EPHB4: variants seen among roughly 807,000 people sequenced by gnomAD.
EPHB4 encodes ephrin type-B receptor 4.
Under a neutral mutation model 110.6 loss-of-function variants are expected in EPHB4, and 50 were observed. The ratio of observed to expected loss-of-function variants is 0.45; its 90% CI spans 0.36 to 0.57. EPHB4 has a LOEUF of 0.57. Ranked by LOEUF, EPHB4 falls within the 20% of genes least tolerant of loss-of-function variation. The probability of loss-of-function intolerance (pLI) is 0.00; values close to 1 mark genes in which losing one functional copy is unlikely to be tolerated. For synonymous variants in EPHB4, 592 were observed against 578.4 expected, an observed-to-expected ratio of 1.02 and a Z score of -0.34; for missense variants, 1,128 against 1,382.1, an observed-to-expected ratio of 0.82 and a Z score of 2.91.
Position 100,826,004 on chromosome 7 carries a change from G to C in EPHB4, c.52+975C>G, listed in dbSNP as rs144828895. ...CCAGGGCAGTCCTGCCCAGCCAGGGGGAGAGGGTTTTTCTAACGCCGCTGA... is the reference window on the plus strand; with the variant it reads ...CCAGGGCAGTCCTGCCCAGCCAGGGCGAGAGGGTTTTTCTAACGCCGCTGA... On this transcript the variant is annotated intron_variant, in intron 1 of 16. Transcript: ENST00000358173. 2.4e-3 allele frequency among the ~76,000 whole-genome samples: 368 copies of C among 152,322 alleles called. 2 individuals carry two copies. The highest frequency in any genetic ancestry group is 7.9e-3 in the African/African-American group (330 of 41,564).
chr7:100,822,560 G>A lies in EPHB4; in HGVS notation c.519C>T (p.Gly173=), dbSNP rs1813262602. 3.1e-6 allele frequency: 5 copies of A among 1,613,224 alleles called. No individual in the cohort carries two copies. The highest frequency in any genetic ancestry group is 4.2e-6 in the Non-Finnish European group (5 of 1,179,922). The change falls in exon 4 of 17, where the codon GGC becomes GGT. Residue 173 remains glycine (G), a synonymous_variant. Coordinates refer to ENST00000358173, the MANE Select transcript of EPHB4 (RefSeq NM_004444.5). This position sits in a 1 kb window ranked among gnomAD's most constrained non-coding sequence, Gnocchi z 4.7. ...CCTGGTCCTGGAAGGCCAGGTAGAA[G>A]CCAGCCTTGCTGAGCGGTCCCAGAC... ...TLRLGPLSKA[G]FYLAFQDQGA...
chr7:100,810,064 A>G (rs573902784), intron 12 of EPHB4, among the ~76,000 whole-genome samples: 8 of 152,126 alleles, frequency 5.3e-5, no homozygotes, highest in Non-Finnish European at 1.0e-4. Context: ...ATCCTGGCCA[A>G]TATGGTGAAA....
chr7:100,815,902 T>C (rs1043939112), intron 8 of EPHB4, among the ~76,000 whole-genome samples: 1 of 151,962 alleles, frequency 6.6e-6, no homozygotes, highest in Admixed American at 6.6e-5. Context: ...GTGGAAGGAT[T>C]GGTTGAGCTC....
chr7:100,811,799 G>C lies in EPHB4; in HGVS notation c.2118+948C>G, dbSNP rs568932190. On this transcript the variant is annotated intron_variant, in intron 12 of 16. Transcript: ENST00000358173. ...GCGGGAGGATCACTTGAGCCCAGGA[G>C]GTCAAGGCTACAGTGAGCTATGAAT... Among the ~76,000 whole-genome samples the C allele has an allele frequency of 1.8e-4, 27 of 151,868 alleles. No homozygotes were observed. The East Asian group carries it at 4.1e-3, about 23-fold the overall frequency.
At position 100,816,339 on chromosome 7, in the gene EPHB4, C is replaced by CT. The variant is rs879870792; in HGVS notation, c.1588+852dup. ...TGCTAAAAGTCAAGCCTGCGGTGAGCTTTTTTTTTTTTGAGACAGAGTCTT... is the reference window on the plus strand; with the variant it reads ...TGCTAAAAGTCAAGCCTGCGGTGAGCTTTTTTTTTTTTTGAGACAGAGTCTT... On this transcript the variant is annotated intron_variant, in intron 8 of 16. Coordinates refer to ENST00000358173, the MANE Select transcript of EPHB4 (RefSeq NM_004444.5). 4.0e-3 allele frequency among the ~76,000 whole-genome samples: 565 copies of CT among 142,792 alleles called. 16 individuals carry two copies. The highest frequency in any genetic ancestry group is 0.027 in the Admixed American group (382 of 14,114). The allele number at this position is 142,792 out of a possible 152,430, so 93.7% of individuals were successfully genotyped here.
intron 14 of EPHB4, 78 bp downstream of exon 14, chr7:100,806,342 C>CT: frequency 6.5e-7 from 1 of 1,530,080 alleles, no homozygotes; most frequent in Non-Finnish European, 8.8e-7. Flanking sequence ...TGATGACTCT[C>CT]TGGGAACCCA....
intron 12 of EPHB4, among the ~76,000 whole-genome samples, chr7:100,808,679 C>T (rs1317800711): frequency 6.6e-6 from 1 of 151,978 alleles, no homozygotes; most frequent in East Asian, 1.9e-4. Flanking sequence ...CAACCTTGAC[C>T]TTTAAAGAGT....
chr7:100,814,465 A>C (rs1302982486), intron 8 of EPHB4, among the ~76,000 whole-genome samples: 1 of 152,068 alleles, frequency 6.6e-6, no homozygotes, highest in African/African-American at 2.4e-5. Context: ...TTTAGTAGAG[A>C]TGGGCTTTCA....
chr7:100,807,255 G>A, intron 13 of EPHB4, 110 bp downstream of exon 13: 2 of 1,148,184 alleles, frequency 1.7e-6, no homozygotes, highest in Non-Finnish European at 2.5e-6. Context: ...GCCTGCTCCT[G>A]TATCCTCTCC....
At chr7:100,803,911 G>A (rs919068476) in intron 16 of EPHB4, among the ~76,000 whole-genome samples, 1 of 152,158 alleles carries the variant, frequency 6.6e-6, no homozygotes, top group African/African-American at 2.4e-5. Flanking sequence ...AGAGGGAAAT[G>A]GAGTGTGAGA....
chr7:100,817,344 G>A lies in EPHB4; in HGVS notation c.1436C>T (p.Pro479Leu), dbSNP rs1345010887. 3 of 1,574,204 alleles carry A rather than the reference G, an allele frequency of 1.9e-6. No individual in the cohort carries two copies. Among genetic ancestry groups the A allele is most frequent in the Non-Finnish European group, 2.6e-6 (3 of 1,161,634 alleles). Residue 479 changes from proline (P) to leucine (L), a missense_variant, in exon 8 of 17, where the codon CCC (proline) becomes CTC (leucine). This residue lies in a region of EPHB4 where 728 missense variants were observed against 828.6 expected (regional missense o/e 0.88). Coordinates refer to ENST00000358173, the MANE Select transcript of EPHB4 (RefSeq NM_004444.5). Reference protein sequence around the residue: ...VKYHEKGAEGPSSVRFLKTSE... With the variant: ...VKYHEKGAEGLSSVRFLKTSE... Reference sequence around the variant, plus strand: ...CGTCTTCAGGAACCGCACGCTGCTGGGACCCTCGGCGCCCTGTCCGGGAGA... The same window carrying A: ...CGTCTTCAGGAACCGCACGCTGCTGAGACCCTCGGCGCCCTGTCCGGGAGA...
chr7:100,812,584 G>A (rs1439510840), intron 12 of EPHB4, among the ~76,000 whole-genome samples, 163 bp downstream of exon 12: 1 of 152,092 alleles, frequency 6.6e-6, no homozygotes, highest in Non-Finnish European at 1.5e-5. Context: ...GCGAGGCTCT[G>A]TCTTAAAAAA....
chr7:100,818,165 C>A (rs1813129315), intron 7 of EPHB4, among the ~76,000 whole-genome samples: 1 of 151,782 alleles, frequency 6.6e-6, no homozygotes, highest in Admixed American at 6.6e-5. Context: ...CCGCGCCCGG[C>A]CCATTTTAAG....
At chr7:100,804,980 C>T in intron 16 of EPHB4, among the ~76,000 whole-genome samples, 186 bp downstream of exon 16, 1 of 152,172 alleles carries the variant, frequency 6.6e-6, no homozygotes. Flanking sequence ...CCCAAAGAGT[C>T]CTTGGGTCCT....
In EPHB4 at chr7:100,823,690, G is replaced by C. The variant is rs768550178; in HGVS notation, c.365C>G (p.Thr122Arg). 2 of 1,613,414 alleles carry C rather than the reference G, an allele frequency of 1.2e-6. No individual in the cohort carries two copies. The highest frequency in any genetic ancestry group is 2.7e-5 in the African/African-American group (2 of 74,938). The change falls in exon 3 of 17, where the codon ACG becomes AGG. Residue 122 changes from threonine (T) to arginine (R), a missense_variant. Coordinates refer to ENST00000358173, the MANE Select transcript of EPHB4 (RefSeq NM_004444.5). ...TVFYYESDAD[T>R]ATALTPAWME... Reference sequence around the variant, plus strand: ...CCAGGCTGGCGTGAGGGCCGTGGCCGTGTCCGCATCGCTCTCATAGTAGAA... The same window carrying C: ...CCAGGCTGGCGTGAGGGCCGTGGCCCTGTCCGCATCGCTCTCATAGTAGAA...
At chr7:100,820,028 G>T (rs1352160259) in intron 5 of EPHB4, 113 bp downstream of exon 5, 1 of 1,513,168 alleles carries the variant, frequency 6.6e-7, no homozygotes. Context: ...CTAGGGACAA[G>T]CATGCCAGGG....
chr7:100,814,114 A>G, intron 8 of EPHB4, 93 bp from the exon 9 acceptor site: 1 of 1,396,194 alleles, frequency 7.2e-7, no homozygotes, highest in Non-Finnish European at 9.9e-7. Flanking sequence ...ATCTCCTGAG[A>G]ACAGGTCCCC....
chr7:100,821,963 C>T (rs1813246190), intron 4 of EPHB4, among the ~76,000 whole-genome samples: 1 of 152,084 alleles, frequency 6.6e-6, no homozygotes, highest in South Asian at 2.1e-4. Context: ...GAGTTCGAGA[C>T]CAGCCTGGCC....
rs1813297349 is a variant in EPHB4, at chr7:100,823,671, T to C, written c.384A>G (p.Pro128=). The C allele has an allele frequency of 1.9e-6, 3 of 1,613,040 alleles. No homozygotes were observed. The African/African-American group carries it at 4.0e-5, about 22-fold the overall frequency. Residue 128 remains proline (P), a synonymous_variant, in exon 3 of 17, where the codon CCA becomes CCG. Coordinates refer to ENST00000358173, the MANE Select transcript of EPHB4 (RefSeq NM_004444.5). ...SDADTATALT[P]AWMENPYIKV... is the part of the protein sequence containing the mutation. ...TGATGTAGGGGTTCTCCATCCAGGC[T>C]GGCGTGAGGGCCGTGGCCGTGTCCG...
Sources: allele counts gnomAD v4.1 joint callset (sites outside exome capture counted in the v4.1 genomes callset), GRCh38; gene constraint gnomAD v4.1.1; regional missense constraint gnomAD v4.1.1; non-coding constraint Gnocchi (gnomAD v3.1); transcripts MANE v1.5; gene names NCBI Gene and HGNC (gene_info 2026-07-23, HGNC 2026-07-21).